Variants in PIWIL2 observed in about 807,000 individuals in gnomAD.
PIWIL2 encodes piwi like RNA-mediated gene silencing 2.
PIWIL2 carries 81 observed loss-of-function variants against 116.5 expected under a neutral mutation model. The observed-to-expected ratio is 0.70, with a 90% CI of 0.58 to 0.84. PIWIL2 has a LOEUF of 0.84. Among genes scored for constraint, PIWIL2 ranks in the 40% least tolerant of loss-of-function variants. The probability of loss-of-function intolerance (pLI) is 0.00; values close to 1 mark genes in which losing one functional copy is unlikely to be tolerated. For missense variants in PIWIL2, 1,272 were observed against 1,212.3 expected (o/e 1.05, Z -0.73); for synonymous variants, 489 against 429.5 (o/e 1.14, Z -1.71).
intron 10 of PIWIL2, 73 bp downstream of exon 10, chr8:22,290,419 C>A (rs541997029): frequency 1.3e-6 from 1 of 797,192 alleles, no homozygotes; most frequent in Non-Finnish European, 2.2e-6. Flanking sequence ...CTGGTAATAA[C>A]ACACATTAGA....
intron 1 of PIWIL2, among the ~76,000 whole-genome samples, chr8:22,276,231 C>T (rs13259097): frequency 0.5 from 76,358 of 152,146 alleles, 20,523 homozygotes; most frequent in East Asian, 0.82. Context: ...TCTGCACTTA[C>T]GCTGTGGGTT....
intron 20 of PIWIL2, among the ~76,000 whole-genome samples, chr8:22,318,617 C>T (rs1468511807): frequency 1.3e-5 from 2 of 152,148 alleles, no homozygotes; most frequent in African/African-American, 4.8e-5. Context: ...CGCGCCTGGC[C>T]AAGTTTCTGG....
intron 20 of PIWIL2, among the ~76,000 whole-genome samples, chr8:22,320,619 T>A (rs1164421721): frequency 6.6e-6 from 1 of 150,592 alleles, no homozygotes; most frequent in Non-Finnish European, 1.5e-5. Flanking sequence ...AGACGGAATT[T>A]CACTCTTATT....
intron 10 of PIWIL2, among the ~76,000 whole-genome samples, chr8:22,303,004 C>G (rs953978134): frequency 2.0e-5 from 3 of 152,326 alleles, no homozygotes; most frequent in African/African-American, 7.2e-5. Flanking sequence ...ATCCCTACCC[C>G]TAGATTAAGT....
rs1261796988 is a variant in PIWIL2 at position 22,309,985 on chromosome 8, G to C, written c.1711G>C (p.Glu571Gln). ...GATTGAAGGACGTGTTCTGCCAATGGAAAGAATTAACTTAAAAAATACTTC... is the reference window on the plus strand; with the variant it reads ...GATTGAAGGACGTGTTCTGCCAATGCAAAGAATTAACTTAAAAAATACTTC... ...HKIEGRVLPMERINLKNTSFI... is the reference protein window; with the variant it reads ...HKIEGRVLPMQRINLKNTSFI... The change falls in exon 15 of 23, where the codon GAA becomes CAA. Residue 571 changes from glutamate (E) to glutamine (Q), a missense_variant. Physicochemically the swap from Glu to Gln is conservative, Grantham distance 29 (BLOSUM62 2). Coordinates refer to ENST00000356766, the MANE Select transcript of PIWIL2 (RefSeq NM_018068.5). 4 of 1,608,378 alleles carry C rather than the reference G, an allele frequency of 2.5e-6. No homozygotes were observed. Among genetic ancestry groups the C allele is most frequent in the Non-Finnish European group, 3.4e-6 (4 of 1,174,832 alleles).
chr8:22,301,946 T>C (rs934545219), intron 10 of PIWIL2, among the ~76,000 whole-genome samples: 2 of 152,276 alleles, frequency 1.3e-5, no homozygotes, highest in Admixed American at 6.5e-5. Flanking sequence ...TGTGTTTCAT[T>C]CTCATGTAAT....
chr8:22,290,709 C>A (rs948002231), intron 10 of PIWIL2, among the ~76,000 whole-genome samples: 4 of 147,298 alleles, frequency 2.7e-5, no homozygotes, highest in African/African-American at 1.0e-4. Context: ...ACCTCAGCCT[C>A]TCAAGGTGTT....
At chr8:22,298,954 A>C (rs1257908203) in intron 10 of PIWIL2, among the ~76,000 whole-genome samples, 1 of 152,170 alleles carries the variant, frequency 6.6e-6, no homozygotes, top group East Asian at 1.9e-4. Context: ...GGCTTGCAAA[A>C]GTGTGTTTGC....
chr8:22,291,954 A>AG lies in PIWIL2; in HGVS notation c.1181+1613dup, dbSNP rs146735693. Among the ~76,000 whole-genome samples the AG allele has an allele frequency of 6.4e-3, 981 of 152,276 alleles. 6 individuals are homozygous for AG. Among genetic ancestry groups the AG allele is most frequent in the African/African-American group, 0.023 (935 of 41,552 alleles). On this transcript the variant is annotated intron_variant, in intron 10 of 22. Transcript: ENST00000356766. ...TCAGGGCAATCAGAAGTAGTGGGGC[A>AG]GGGGGCGGAGAATTGCAGTTTTAAG...
At chr8:22,322,020 G>T in intron 20 of PIWIL2, 1 of 979,084 alleles carries the variant, frequency 1.0e-6, no homozygotes, top group Non-Finnish European at 1.2e-6. Flanking sequence ...ATACTGTTTT[G>T]GTTTTTTTTT....
At chr8:22,316,477 T>G in intron 19 of PIWIL2, 144 bp downstream of exon 19, 1 of 610,422 alleles carries the variant, frequency 1.6e-6, no homozygotes. Flanking sequence ...CATGTGAATT[T>G]TTTTTTTCGG....
chr8:22,355,099 A>G (rs1832460038), intron 22 of PIWIL2, among the ~76,000 whole-genome samples: 1 of 150,872 alleles, frequency 6.6e-6, no homozygotes, highest in African/African-American at 2.5e-5. Context: ...AAACAACAAC[A>G]ACAAAAAAAA....
At position 22,332,726 on chromosome 8, in the gene PIWIL2, A is replaced by G. The variant is rs140696457; in HGVS notation, c.2403+14451A>G. Among the ~76,000 whole-genome samples the G allele has an allele frequency of 6.8e-3, 1,031 of 152,258 alleles. 24 individuals are homozygous for G. Among genetic ancestry groups the G allele is most frequent in the African/African-American group, 0.024 (979 of 41,526 alleles). ...AGAAAGTAACTGCCAGCATAGCTTCAGTCTCATAGCCACTGAAAATAACTT... is the reference window on the plus strand; with the variant it reads ...AGAAAGTAACTGCCAGCATAGCTTCGGTCTCATAGCCACTGAAAATAACTT... On this transcript the variant is annotated intron_variant, in intron 20 of 22. Transcript: ENST00000356766.
intron 20 of PIWIL2, among the ~76,000 whole-genome samples, chr8:22,328,509 T>G (rs1223120357): frequency 1.3e-5 from 2 of 152,204 alleles, no homozygotes; most frequent in Admixed American, 6.6e-5. Context: ...ATTGAATATC[T>G]AGATTACTTT....
chr8:22,323,905 T>C (rs1417531763), intron 20 of PIWIL2, among the ~76,000 whole-genome samples: 1 of 152,188 alleles, frequency 6.6e-6, no homozygotes, highest in African/African-American at 2.4e-5. Context: ...AGGCATCCCA[T>C]TTAGTTGAGC....
chr8:22,310,225 C>G (rs1237496900), intron 15 of PIWIL2, 151 bp downstream of exon 15: 2 of 569,088 alleles, frequency 3.5e-6, no homozygotes, highest in East Asian at 2.8e-5. Flanking sequence ...ATCCTTCAAA[C>G]AGAGCAGTTG....
intron 20 of PIWIL2, among the ~76,000 whole-genome samples, chr8:22,349,419 G>GTATGTATATATATATATATA (rs1213621776): frequency 3.0e-5 from 4 of 134,444 alleles, no homozygotes; most frequent in African/African-American, 1.1e-4. Flanking sequence ...ATGTGTGTGT[G>GTATGTATATATATATATATA]TATATATATA....
chr8:22,282,333 C>A (rs1430416825), intron 4 of PIWIL2, among the ~76,000 whole-genome samples: 1 of 144,008 alleles, frequency 6.9e-6, no homozygotes, highest in Admixed American at 7.3e-5. Flanking sequence ...CTCACTGCAA[C>A]CTCCGCCTCA....
At chr8:22,282,317 T>C (rs1830528044) in intron 4 of PIWIL2, among the ~76,000 whole-genome samples, 1 of 135,086 alleles carries the variant, frequency 7.4e-6, no homozygotes, top group Non-Finnish European at 1.6e-5. Context: ...AGTGGCACGA[T>C]CTTGGCTCAC....
Sources: allele counts gnomAD v4.1 joint callset (sites outside exome capture counted in the v4.1 genomes callset), GRCh38; gene constraint gnomAD v4.1.1; transcripts MANE v1.5; gene names NCBI Gene and HGNC (gene_info 2026-07-23, HGNC 2026-07-21).